The following MEGF11 variants were observed in gnomAD, a reference collection of about 807,000 sequenced individuals.
MEGF11 encodes multiple EGF like domains 11, also known as multiple epidermal growth factor-like domains protein 11.
Under a neutral mutation model 146.6 loss-of-function variants are expected in MEGF11, and 126 were observed. The observed-to-expected ratio is 0.86, with a 90% confidence interval of 0.74 to 1.00. The LOEUF (loss-of-function observed/expected upper bound fraction) is 1.00, where lower values mean the gene tolerates loss of function less well. Ranked by LOEUF, MEGF11 falls within the 50% of genes least tolerant of loss-of-function variation. MEGF11 has a pLI of 0.00. For synonymous variants in MEGF11, 532 were observed against 583.4 expected (o/e 0.91, Z 1.27); for missense variants, 1,509 against 1,521.2 (o/e 0.99, Z 0.13).
rs995280085 is a variant in MEGF11 at position 66,119,287 on chromosome 15, ATTACT to A, written c.201-106_201-102del. On this transcript the variant is annotated intron_variant, in intron 3 of 25. Transcript: ENST00000395614. ...GCTATATTGAGGATGCCATTCAATAATTACTTTAAAATGCATGGCGACTTCAAATA... is the reference window on the plus strand; with the variant it reads ...GCTATATTGAGGATGCCATTCAATAATTAAAATGCATGGCGACTTCAAATA... 1.9e-5 allele frequency: 15 copies of A among 799,994 alleles called. No individual in the cohort carries two copies. In the African/African-American group the frequency reaches 2.3e-4, roughly 12 times the overall value. 49.6% of individuals were successfully genotyped at this position (799,994 alleles called of 1,614,324 possible).
At chr15:65,957,039 T>A (rs2080669069) in intron 10 of MEGF11, among the ~76,000 whole-genome samples, 1 of 152,198 alleles carries the variant, frequency 6.6e-6, no homozygotes, top group Admixed American at 6.5e-5. Flanking sequence ...GGTGAGGGAA[T>A]GCTATTTGTA....
chr15:66,146,061 A>G (rs992107423), intron 1 of MEGF11, among the ~76,000 whole-genome samples: 1 of 152,016 alleles, frequency 6.6e-6, no homozygotes, highest in Non-Finnish European at 1.5e-5. Context: ...GTGTTGTGTC[A>G]TATCCTTTTT....
At chr15:65,934,549 C>T (rs979755398) in intron 10 of MEGF11, among the ~76,000 whole-genome samples, 7 of 152,174 alleles carry the variant, frequency 4.6e-5, no homozygotes, top group African/African-American at 1.4e-4. Context: ...CTGCACCTGG[C>T]CAAAAGTGAG....
At chr15:66,086,509 G>A (rs751972674) in intron 5 of MEGF11, among the ~76,000 whole-genome samples, 7 of 152,286 alleles carry the variant, frequency 4.6e-5, no homozygotes, top group Non-Finnish European at 8.8e-5. Flanking sequence ...CCCATCTTCA[G>A]CCTCCTCAGA....
rs187769897 is a variant in MEGF11 at position 65,953,381 on chromosome 15, A to G, written c.1287+4166T>C. Among the ~76,000 whole-genome samples, 20 of 152,298 alleles carry G rather than the reference A, an allele frequency of 1.3e-4. No homozygotes were observed. The East Asian group carries it at 3.7e-3, about 28-fold the overall frequency. ...TGTCTGGTTCCATGGTCACCCTTCA[A>G]TCAAAGCTCATCAACTAATATGAGA... On this transcript the variant is annotated intron_variant, in intron 10 of 25. Coordinates refer to ENST00000395614, the MANE Select transcript of MEGF11 (RefSeq NM_001385028.1).
intron 8 of MEGF11, 30 bp from the exon 9 acceptor site, chr15:65,965,150 G>A (rs748074718): frequency 3.3e-6 from 5 of 1,526,752 alleles, no homozygotes; most frequent in Non-Finnish European, 4.4e-6. Context: ...GGCTGAGGCT[G>A]TGGGCCAGGA....
chr15:65,955,216 C>T (rs2080539593), intron 10 of MEGF11, among the ~76,000 whole-genome samples: 1 of 152,102 alleles, frequency 6.6e-6, no homozygotes, highest in South Asian at 2.1e-4. Context: ...AACAATTATT[C>T]TCTCCTACCC....
chr15:65,920,478 C>T (rs2079139493), intron 15 of MEGF11, among the ~76,000 whole-genome samples: 1 of 152,196 alleles, frequency 6.6e-6, no homozygotes, highest in Admixed American at 6.5e-5. Flanking sequence ...CTACCCTACC[C>T]CCAAAATGAA....
At chr15:66,037,039 C>G (rs1208391656) in intron 5 of MEGF11, among the ~76,000 whole-genome samples, 2 of 152,246 alleles carry the variant, frequency 1.3e-5, no homozygotes, top group Non-Finnish European at 2.9e-5. Context: ...TACGCTGTCT[C>G]TTAGAACAAC....
rs371511205 is a variant in MEGF11 at position 66,107,201 on chromosome 15, G to A, written c.301+11885C>T. Among the ~76,000 whole-genome samples, 244 of 152,244 alleles carry A rather than the reference G, an allele frequency of 1.6e-3. 1 individual carries two copies. The highest frequency in any genetic ancestry group is 3.4e-3 in the African/African-American group (143 of 41,536). ...CAGCTCCCCAGCCAGTCCCCACCCC[G>A]CCTACTTGATGGACAGCTGAGCAAG... On this transcript the variant is annotated intron_variant, in intron 4 of 25. Coordinates refer to ENST00000395614, the MANE Select transcript of MEGF11 (RefSeq NM_001385028.1).
At chr15:65,999,107 C>A (rs1015496220) in intron 5 of MEGF11, among the ~76,000 whole-genome samples, 1 of 151,526 alleles carries the variant, frequency 6.6e-6, no homozygotes, top group East Asian at 1.9e-4. Context: ...CACAGTGGCA[C>A]AGACACAGCT....
intron 5 of MEGF11, among the ~76,000 whole-genome samples, chr15:66,037,287 A>T (rs1213994865): frequency 1.3e-5 from 2 of 152,238 alleles, no homozygotes; most frequent in African/African-American, 4.8e-5. Flanking sequence ...ACCATGAGTC[A>T]ATGAACCAAT....
intron 10 of MEGF11, among the ~76,000 whole-genome samples, chr15:65,951,708 AAACAAAAAAACCCC>A (rs2075423301): frequency 6.7e-6 from 1 of 149,188 alleles, no homozygotes; most frequent in South Asian, 2.1e-4. Flanking sequence ...ACAAACAAAC[AAACAAAAAAACCCC>A]AACAAAGTAG....
intron 1 of MEGF11, among the ~76,000 whole-genome samples, chr15:66,201,475 G>T (rs2091156110): frequency 6.6e-6 from 1 of 152,122 alleles, no homozygotes; most frequent in African/African-American, 2.4e-5. Flanking sequence ...ACCCAGGGGT[G>T]CTGAGGCCAA....
At chr15:66,045,217 C>T (rs992603982) in intron 5 of MEGF11, among the ~76,000 whole-genome samples, 12 of 152,214 alleles carry the variant, frequency 7.9e-5, no homozygotes, top group Non-Finnish European at 1.6e-4. Flanking sequence ...TGTAGCTCTA[C>T]TATCTCTACC....
chr15:66,091,927 T>C (rs2086338270), intron 5 of MEGF11, among the ~76,000 whole-genome samples: 1 of 152,250 alleles, frequency 6.6e-6, no homozygotes, highest in Non-Finnish European at 1.5e-5. Context: ...TTCTAATACC[T>C]GACCCATTGG....
rs762282490 is a variant in MEGF11 at position 65,957,645 on chromosome 15, C to A, written c.1189G>T (p.Gly397Cys). Residue 397 changes from glycine to cysteine, a missense_variant, in exon 10 of 26, where the codon GGC (glycine) becomes TGC (cysteine). Transcript: ENST00000395614. ...AGCTGGCAGCCATCGCCATAGTAGC[C>A]AACAGGGCAGGATTCATTGCAGTGG... ...GHHCNESCPV[G>C]YYGDGCQLPC... 2 of 1,613,858 alleles carry A rather than the reference C, an allele frequency of 1.2e-6. No individual in the cohort carries two copies. The highest frequency in any genetic ancestry group is 2.7e-5 in the African/African-American group (2 of 74,934).
At chr15:66,139,159 T>C (rs1358260848) in intron 1 of MEGF11, among the ~76,000 whole-genome samples, 1 of 152,172 alleles carries the variant, frequency 6.6e-6, no homozygotes, top group Non-Finnish European at 1.5e-5. Context: ...CCACATGCAT[T>C]TGCAATCAAA....
intron 5 of MEGF11, among the ~76,000 whole-genome samples, chr15:66,093,351 G>T (rs1012986662): frequency 3.9e-5 from 6 of 152,222 alleles, no homozygotes; most frequent in African/African-American, 1.4e-4. Context: ...GAGGGGAAAA[G>T]GACAATAGCA....
Sources: gnomAD v4.1 joint callset for allele counts (sites outside exome capture counted in the v4.1 genomes callset) on GRCh38, gnomAD v4.1.1 for gene constraint, MANE v1.5 for transcripts, NCBI Gene and HGNC (gene_info 2026-07-23, HGNC 2026-07-21) for gene names.